Variants in CACNA1E observed in about 807,000 individuals in gnomAD.
The protein encoded by CACNA1E is calcium voltage-gated channel subunit alpha1 E, also known as voltage-dependent R-type calcium channel subunit alpha-1E.
A neutral mutation model predicts 259.2 loss-of-function variants in CACNA1E; 40 were observed. The ratio of observed to expected loss-of-function variants is 0.15; its 90% confidence interval spans 0.12 to 0.20. The LOEUF is 0.20. Among genes scored for constraint, CACNA1E ranks in the 10% least tolerant of loss-of-function variants. The pLI, the probability that CACNA1E is intolerant of heterozygous loss-of-function variation, is 1.00. For synonymous variants in CACNA1E, 1,104 were observed against 1,138.5 expected (o/e 0.97, Z 0.61); for missense variants, 1,874 against 3,040.1 (o/e 0.62, Z 9.02).
chr1:181,637,702 C>A (rs996360425), intron 6 of CACNA1E, among the ~76,000 whole-genome samples: 2 of 152,118 alleles, frequency 1.3e-5, no homozygotes, highest in Middle Eastern at 3.2e-3. Flanking sequence ...TAGAAGTGAA[C>A]AACATACCAG....
chr1:181,512,052 T>C (rs1666214832), intron 3 of CACNA1E, among the ~76,000 whole-genome samples: 1 of 152,272 alleles, frequency 6.6e-6, no homozygotes, highest in African/African-American at 2.4e-5. Flanking sequence ...ATTAAAATGT[T>C]GGATAAATCA....
rs150620283 is a variant in CACNA1E at position 181,379,965 on chromosome 1, G to GATAT, written c.-14-33153_-14-33150dup. ...GTAGTGGGAAGGTAGACTGTCATAA[G>GATAT]ATATATATATATATATATTTATATA... On this transcript the variant is annotated intron_variant, in intron 1 of 11. Coordinates refer to the CACNA1E transcript ENST00000524607. 2.7e-3 allele frequency among the ~76,000 whole-genome samples: 389 copies of GATAT among 143,540 alleles called. 2 individuals are homozygous for GATAT. Among genetic ancestry groups the GATAT allele is most frequent in the Non-Finnish European group, 4.6e-3 (301 of 65,806 alleles). 94.2% of individuals were successfully genotyped at this position (143,540 alleles called of 152,430 possible).
At position 181,758,955 on chromosome 1, in the gene CACNA1E, G is replaced by A. The variant is rs572130606; in HGVS notation, c.4605+87G>A. On this transcript the variant is annotated intron_variant, in intron 32 of 47. Transcript: ENST00000367573. The surrounding 1 kb of genome is among the most constrained non-coding windows in gnomAD (Gnocchi z 4.2). ...CTTTGTTGAAGGGGAGGTGGTTACT[G>A]CTATTCCAGAAATCACCCACCTAGA... The A allele has an allele frequency of 3.7e-4, 278 of 754,508 alleles. 1 individual carries two copies. In the East Asian group the frequency reaches 6.8e-3, roughly 19 times the overall value. 46.7% of individuals were successfully genotyped at this position (754,508 alleles called of 1,614,324 possible). A position where few individuals can be genotyped will look rare whatever the true frequency, so the allele number is the denominator to read the frequency against.
intron 1 of CACNA1E, among the ~76,000 whole-genome samples, chr1:181,372,828 AT>A (rs1205982576): frequency 0.014 from 1,430 of 101,618 alleles, 17 homozygotes; most frequent in African/African-American, 0.041. Context: ...ATATATATAT[AT>A]TTTTTTTTTA....
Position 181,771,407 on chromosome 1 carries a change from T to C in CACNA1E, c.4973+23T>C, listed in dbSNP as rs1050727573. On this transcript the variant is annotated intron_variant, in intron 36 of 47. Transcript: ENST00000367573. ...CAGGTACCTGGATGCGTAACTGTCA[T>C]AGCTGGGGTTCTCCTGATGGAGGGA... 1.0e-5 allele frequency: 13 copies of C among 1,284,036 alleles called. No homozygotes were observed. The African/African-American group carries it at 1.2e-4, about 12-fold the overall frequency. The allele number at this position is 1,284,036 out of a possible 1,614,324, so 79.5% of individuals were successfully genotyped here. A position where few individuals can be genotyped will look rare whatever the true frequency, so the allele number is the denominator to read the frequency against.
At chr1:181,556,009 A>G (rs1203868001) in intron 3 of CACNA1E, among the ~76,000 whole-genome samples, 2 of 152,190 alleles carry the variant, frequency 1.3e-5, no homozygotes, top group African/African-American at 4.8e-5. Context: ...AGACCAGCAA[A>G]TGATTTTGGA....
At chr1:181,710,624 G>T (rs1653257164) in intron 7 of CACNA1E, among the ~76,000 whole-genome samples, 1 of 152,188 alleles carries the variant, frequency 6.6e-6, no homozygotes, top group Non-Finnish European at 1.5e-5. Context: ...AGGGTTAAGG[G>T]TTTTTGTTGT....
intron 2 of CACNA1E, among the ~76,000 whole-genome samples, chr1:181,445,075 G>A (rs1036222861): frequency 2.0e-5 from 3 of 152,100 alleles, no homozygotes; most frequent in Non-Finnish European, 4.4e-5. Context: ...AGAGAGATAC[G>A]TACTGAGCCT....
intron 1 of CACNA1E, among the ~76,000 whole-genome samples, chr1:181,402,367 G>A (rs1657161853): frequency 1.3e-5 from 2 of 152,112 alleles, no homozygotes; most frequent in Non-Finnish European, 2.9e-5. Context: ...GGAAAGAGGT[G>A]GGAAGGGTCC....
chr1:181,498,348 G>A lies in CACNA1E; in HGVS notation c.267-12129G>A, dbSNP rs139623319. Among the ~76,000 whole-genome samples the A allele has an allele frequency of 4.8e-4, 73 of 152,328 alleles. No individual in the cohort carries two copies. The East Asian group carries it at 0.012, about 25-fold the overall frequency. ...TTCACTTCCAGGCCACCATTGTGAA[G>A]ATTCTAGCTTTTCTTTAACTCTGTT... On this transcript the variant is annotated intron_variant, in intron 1 of 47. Coordinates refer to ENST00000367573, the MANE Select transcript of CACNA1E (RefSeq NM_001205293.3).
intron 6 of CACNA1E, among the ~76,000 whole-genome samples, chr1:181,647,413 T>C (rs962983522): frequency 1.3e-5 from 2 of 152,068 alleles, no homozygotes; most frequent in Non-Finnish European, 2.9e-5. Flanking sequence ...TCACAGAAGT[T>C]GGGGGGGATG....
intron 6 of CACNA1E, among the ~76,000 whole-genome samples, chr1:181,594,182 T>G (rs1652936500): frequency 6.6e-6 from 1 of 151,492 alleles, no homozygotes; most frequent in Non-Finnish European, 1.5e-5. Context: ...GGTAAATATA[T>G]TAATATAATT....
chr1:181,803,700 G>A lies in CACNA1E; in HGVS notation c.*4866G>A, dbSNP rs1662439171. ...ACAAAGGACAAACAGAACTATCTTTGCTTTCCGGAGGCCATCTTTTTCTTT... is the reference window on the plus strand; with the variant it reads ...ACAAAGGACAAACAGAACTATCTTTACTTTCCGGAGGCCATCTTTTTCTTT... On this transcript the variant is annotated 3_prime_UTR_variant, in exon 48 of 48. Coordinates refer to ENST00000367573, the MANE Select transcript of CACNA1E (RefSeq NM_001205293.3). 6.6e-6 allele frequency: 1 copy of A among 152,242 alleles called. No homozygotes were observed. Among genetic ancestry groups the A allele is most frequent in the African/African-American group, 2.4e-5 (1 of 41,436 alleles). 9.4% of individuals were successfully genotyped at this position (152,242 alleles called of 1,614,324 possible). A position where few individuals can be genotyped will look rare whatever the true frequency, so the allele number is the denominator to read the frequency against.
intron 6 of CACNA1E, among the ~76,000 whole-genome samples, chr1:181,614,453 G>C (rs1655030276): frequency 1.3e-5 from 2 of 152,186 alleles, no homozygotes; most frequent in African/African-American, 4.8e-5. Context: ...AACTATGCAA[G>C]AACCATGAGA....
intron 3 of CACNA1E, among the ~76,000 whole-genome samples, chr1:181,554,236 C>T (rs575861731): frequency 4.5e-4 from 68 of 152,304 alleles, no homozygotes; most frequent in African/African-American, 1.6e-3. Flanking sequence ...TGGTCTCGAA[C>T]TCCTGAGCTC....
chr1:181,617,715 C>G (rs928200851), intron 6 of CACNA1E, among the ~76,000 whole-genome samples: 39 of 152,166 alleles, frequency 2.6e-4, no homozygotes, highest in African/African-American at 9.4e-4. Context: ...AATGTTCTCT[C>G]ACAGAAAGAT....
At chr1:181,429,278 A>T (rs538873652) in intron 2 of CACNA1E, among the ~76,000 whole-genome samples, 113 of 152,270 alleles carry the variant, frequency 7.4e-4, no homozygotes, top group African/African-American at 2.7e-3. Context: ...GCCCTTTTTA[A>T]TGTGGATTAG....
At chr1:181,370,662 T>A (rs1466593468) in intron 1 of CACNA1E, among the ~76,000 whole-genome samples, 1 of 152,230 alleles carries the variant, frequency 6.6e-6, no homozygotes, top group East Asian at 1.9e-4. Flanking sequence ...TACCATATTT[T>A]CTTTATCTAG....
At chr1:181,726,825 G>T (rs1046002414) in intron 18 of CACNA1E, among the ~76,000 whole-genome samples, 1 of 152,086 alleles carries the variant, frequency 6.6e-6, no homozygotes, top group Non-Finnish European at 1.5e-5. Context: ...GAGGTAATGG[G>T]GGTTTAGACT....
Sources: allele counts gnomAD v4.1 joint callset (sites outside exome capture counted in the v4.1 genomes callset), GRCh38; gene constraint gnomAD v4.1.1; non-coding constraint Gnocchi (gnomAD v3.1); transcripts MANE v1.5; gene names NCBI Gene and HGNC (gene_info 2026-07-23, HGNC 2026-07-21).